The following RIPOR2 variants were observed in gnomAD, a reference collection of about 807,000 sequenced individuals.
RIPOR2 encodes RHO family interacting cell polarization regulator 2, also known as rho family-interacting cell polarization regulator 2.
Under a neutral mutation model 114.5 loss-of-function variants are expected in RIPOR2, and 39 were observed. The observed-to-expected ratio is 0.34, with a 90% confidence interval of 0.26 to 0.44. The LOEUF (loss-of-function observed/expected upper bound fraction) is 0.44. Among genes scored for constraint, RIPOR2 ranks in the 20% least tolerant of loss-of-function variants. The pLI is 1.00. For synonymous variants in RIPOR2, 445 were observed against 484.4 expected, an observed-to-expected ratio of 0.92 and a Z score of 1.07; for missense variants, 1,007 against 1,255.1, an observed-to-expected ratio of 0.80 and a Z score of 2.99.
At chr6:24,956,529 A>G (rs1328279372) in intron 1 of RIPOR2, among the ~76,000 whole-genome samples, 1 of 152,228 alleles carries the variant, frequency 6.6e-6, no homozygotes, top group African/African-American at 2.4e-5. Context: ...ATCATTTGTG[A>G]TATGCAAATA....
chr6:24,949,714 A>G (rs1209970800), intron 1 of RIPOR2, among the ~76,000 whole-genome samples: 1 of 152,250 alleles, frequency 6.6e-6, no homozygotes, highest in Non-Finnish European at 1.5e-5. Context: ...AGGGCTCACT[A>G]GCCACCCTGA....
chr6:24,828,342 T>TCATA (rs558172416), intron 17 of RIPOR2, 47 bp from the exon 18 acceptor site: 23 of 576,148 alleles, frequency 4.0e-5, no homozygotes, highest in Non-Finnish European at 5.7e-5. Flanking sequence ...AGATGACCAT[T>TCATA]CATTCATTCA....
intron 1 of RIPOR2, among the ~76,000 whole-genome samples, chr6:24,969,634 G>A (rs1268002142): frequency 6.6e-6 from 1 of 152,150 alleles, no homozygotes; most frequent in African/African-American, 2.4e-5. Flanking sequence ...GAGCCCTAGT[G>A]ACCAGTAGCA....
rs182502580 is a variant in RIPOR2, at chr6:25,038,145, C to T, written c.76+3706G>A. On this transcript the variant is annotated intron_variant, in intron 1 of 13. Coordinates refer to the RIPOR2 transcript ENST00000510784. ...ACTTTACTGAATGTTTGAAAATTCT[C>T]ATAATAAAAAGTAAAACAAAAACAA... Among the ~76,000 whole-genome samples the T allele has an allele frequency of 3.6e-3, 550 of 152,268 alleles. 5 individuals are homozygous for T. The highest frequency in any genetic ancestry group is 6.0e-3 in the Non-Finnish European group (406 of 68,028).
intron 1 of RIPOR2, among the ~76,000 whole-genome samples, chr6:24,942,483 G>A (rs775205087): frequency 2.0e-5 from 3 of 152,112 alleles, no homozygotes; most frequent in African/African-American, 7.2e-5. Context: ...CTGAGGAATC[G>A]CCACACTGAC....
At chr6:24,928,121 G>A (rs1771102881) in intron 1 of RIPOR2, among the ~76,000 whole-genome samples, 1 of 152,124 alleles carries the variant, frequency 6.6e-6, no homozygotes, top group South Asian at 2.1e-4. Context: ...TGATTTTTCA[G>A]TTTTTAGAGA....
chr6:25,012,965 G>A (rs1775833230), intron 1 of RIPOR2, among the ~76,000 whole-genome samples: 1 of 151,084 alleles, frequency 6.6e-6, no homozygotes, highest in African/African-American at 2.4e-5. Context: ...GGGGGGCCAG[G>A]ATCACTAGTT....
chr6:24,993,754 T>C (rs1001814120), intron 1 of RIPOR2, among the ~76,000 whole-genome samples: 5 of 152,268 alleles, frequency 3.3e-5, no homozygotes, highest in Non-Finnish European at 5.9e-5. Flanking sequence ...AATAAAGTTA[T>C]ATTAAACAGT....
At chr6:24,923,169 T>G (rs1259630756) in intron 1 of RIPOR2, among the ~76,000 whole-genome samples, 3 of 152,220 alleles carry the variant, frequency 2.0e-5, no homozygotes, top group African/African-American at 4.8e-5. Context: ...CTTAGCATAA[T>G]GCCCTCAAGG....
At chr6:24,900,991 T>C (rs1768386628) in intron 1 of RIPOR2, among the ~76,000 whole-genome samples, 1 of 152,160 alleles carries the variant, frequency 6.6e-6, no homozygotes, top group Non-Finnish European at 1.5e-5. Flanking sequence ...AGACTTCGTA[T>C]TTATTTTTTG....
At chr6:24,834,824 C>T (rs1468792321) in intron 15 of RIPOR2, among the ~76,000 whole-genome samples, 1 of 152,090 alleles carries the variant, frequency 6.6e-6, no homozygotes, top group African/African-American at 2.4e-5. Context: ...AGGTTTCACT[C>T]TGTTGACCAG....
intron 1 of RIPOR2, among the ~76,000 whole-genome samples, chr6:24,946,428 C>A (rs1035907433): frequency 6.6e-6 from 1 of 151,972 alleles, no homozygotes; most frequent in Non-Finnish European, 1.5e-5. Context: ...CATACCTTCA[C>A]GCATTGGAAA....
At position 24,806,369 on chromosome 6, in the gene RIPOR2, GTAAT is replaced by G; in HGVS notation, c.3144_*3del. The G allele has an allele frequency of 6.5e-7, 1 of 1,536,934 alleles. No individual in the cohort carries two copies. The highest frequency in any genetic ancestry group is 8.8e-7 in the Non-Finnish European group (1 of 1,133,658). ...AAGACAGCTGTTAGGCAGTTAACCT[GTAAT>G]TAAAAGGCTGTGGCAACTTCAGTTC... On this transcript the variant is annotated stop_lost and 3_prime_UTR_variant, in exon 22 of 22. Coordinates refer to ENST00000643898, the MANE Select transcript of RIPOR2 (RefSeq NM_001286445.3).
At chr6:24,867,484 A>G (rs532632982) in intron 6 of RIPOR2, among the ~76,000 whole-genome samples, 2 of 152,342 alleles carry the variant, frequency 1.3e-5, no homozygotes, top group African/African-American at 4.8e-5. Context: ...ATCTCTTCCA[A>G]TGCAGGTCAG....
At chr6:24,810,157 T>G (rs1781049231) in intron 20 of RIPOR2, among the ~76,000 whole-genome samples, 1 of 152,176 alleles carries the variant, frequency 6.6e-6, no homozygotes, top group African/African-American at 2.4e-5. Context: ...TAAAAACCAC[T>G]TTACCTATGG....
At chr6:24,992,068 G>C (rs1462156068) in intron 1 of RIPOR2, among the ~76,000 whole-genome samples, 1 of 152,172 alleles carries the variant, frequency 6.6e-6, no homozygotes, top group Non-Finnish European at 1.5e-5. Context: ...ACTCCACCTG[G>C]TGGTCAGAGT....
chr6:25,012,821 CTCAACTTGGCAAA>C (rs1775827026), intron 1 of RIPOR2, among the ~76,000 whole-genome samples: 1 of 152,232 alleles, frequency 6.6e-6, no homozygotes, highest in South Asian at 2.1e-4. Flanking sequence ...ATGATGGCTG[CTCAACTTGGCAAA>C]TATGCTAAAA....
intron 1 of RIPOR2, among the ~76,000 whole-genome samples, chr6:24,974,600 C>T (rs1773949164): frequency 6.6e-6 from 1 of 152,180 alleles, no homozygotes; most frequent in Admixed American, 6.5e-5. Flanking sequence ...TGGAAAGGAG[C>T]TTCGCAGTTC....
At chr6:24,886,975 T>C (rs1766895428) in intron 1 of RIPOR2, among the ~76,000 whole-genome samples, 1 of 152,204 alleles carries the variant, frequency 6.6e-6, no homozygotes, top group Admixed American at 6.5e-5. Context: ...AGAAAGAGCT[T>C]TTCTAATCCT....
Sources: allele counts gnomAD v4.1 joint callset (sites outside exome capture counted in the v4.1 genomes callset), GRCh38; gene constraint gnomAD v4.1.1; transcripts MANE v1.5; gene names NCBI Gene and HGNC (gene_info 2026-07-23, HGNC 2026-07-21).